MAPK10: variants seen among roughly 807,000 people sequenced by gnomAD.
MAPK10 encodes JNK3 alpha protein kinase.
A neutral mutation model predicts 59.3 loss-of-function variants in MAPK10; 25 were observed. The observed-to-expected ratio is 0.42, with a 90% CI of 0.31 to 0.59. The LOEUF (loss-of-function observed/expected upper bound fraction) is 0.59. Ranked by LOEUF, MAPK10 falls within the 20% of genes least tolerant of loss-of-function variation. The pLI, the probability that MAPK10 is intolerant of heterozygous loss-of-function variation, is 0.15. For missense variants in MAPK10, 351 were observed against 568.9 expected (o/e 0.62, Z 3.90); for synonymous variants, 190 against 200.5 (o/e 0.95, Z 0.44).
chr4:86,513,431 C>T (rs1756429335), intron 1 of MAPK10, among the ~76,000 whole-genome samples: 1 of 152,168 alleles, frequency 6.6e-6, no homozygotes, highest in Admixed American at 6.5e-5. Context: ...TTCATTAAAT[C>T]CAGTCATAAG....
chr4:86,451,788 G>A (rs897981057), intron 1 of MAPK10, among the ~76,000 whole-genome samples: 3 of 152,184 alleles, frequency 2.0e-5, no homozygotes, highest in Non-Finnish European at 4.4e-5. Context: ...TGGGGAAACA[G>A]GGGAGGGCAC....
intron 2 of MAPK10, among the ~76,000 whole-genome samples, chr4:86,206,088 A>G (rs970905481): frequency 6.6e-6 from 1 of 151,966 alleles, no homozygotes. Context: ...GTACATGTGC[A>G]CAATGTGCAG....
chr4:86,351,468 T>C (rs1731444744), intron 2 of MAPK10, among the ~76,000 whole-genome samples: 1 of 151,578 alleles, frequency 6.6e-6, no homozygotes, highest in African/African-American at 2.4e-5. Flanking sequence ...CCGACAGGTA[T>C]TAAAACTTGA....
intron 9 of MAPK10, among the ~76,000 whole-genome samples, chr4:86,092,099 C>G (rs924353661): frequency 6.6e-6 from 1 of 152,016 alleles, no homozygotes. Flanking sequence ...TCTTCATGGG[C>G]AGAACTCAAA....
At chr4:86,351,656 G>C (rs1181851743) in intron 2 of MAPK10, among the ~76,000 whole-genome samples, 1 of 151,680 alleles carries the variant, frequency 6.6e-6, no homozygotes, top group African/African-American at 2.4e-5. Flanking sequence ...CAAACACCGA[G>C]AAACTGAAGA....
intron 2 of MAPK10, among the ~76,000 whole-genome samples, chr4:86,203,560 C>T (rs535123871): frequency 1.0e-3 from 154 of 151,390 alleles, no homozygotes; most frequent in African/African-American, 3.6e-3. Flanking sequence ...CCAACAGTTT[C>T]TAAGTTCAAT....
At chr4:86,541,805 T>C (rs1479944605) in intron 1 of MAPK10, among the ~76,000 whole-genome samples, 1 of 152,134 alleles carries the variant, frequency 6.6e-6, no homozygotes, top group African/African-American at 2.4e-5. Flanking sequence ...CCTGGGTGTT[T>C]TTTATTCTGT....
chr4:86,052,055 T>C (rs1051920181), intron 11 of MAPK10, among the ~76,000 whole-genome samples: 1 of 152,148 alleles, frequency 6.6e-6, no homozygotes, highest in African/African-American at 2.4e-5. Flanking sequence ...TTTAAAATTG[T>C]CAGGGACCAC....
chr4:86,042,376 G>A (rs1018812457), intron 11 of MAPK10, among the ~76,000 whole-genome samples: 2 of 152,098 alleles, frequency 1.3e-5, no homozygotes, highest in Admixed American at 6.5e-5. Flanking sequence ...AATGCATGCT[G>A]GGCTTAAAAC....
chr4:86,552,623 G>C (rs4478147), intron 1 of MAPK10, among the ~76,000 whole-genome samples: 1 of 151,772 alleles, frequency 6.6e-6, no homozygotes, highest in Non-Finnish European at 1.5e-5. Flanking sequence ...TCCTCTGTGG[G>C]TCTCTTGCAT....
chr4:86,552,840 G>T (rs968808372), intron 1 of MAPK10, among the ~76,000 whole-genome samples: 10 of 152,100 alleles, frequency 6.6e-5, no homozygotes, highest in Admixed American at 2.0e-4. Flanking sequence ...ATTTATTAAG[G>T]TTTCCTATGC....
At chr4:86,406,398 G>A (rs551849917) in intron 1 of MAPK10, among the ~76,000 whole-genome samples, 1 of 152,274 alleles carries the variant, frequency 6.6e-6, no homozygotes, top group East Asian at 1.9e-4. Flanking sequence ...TGAACAAGAA[G>A]ATACAACCCT....
intron 2 of MAPK10, among the ~76,000 whole-genome samples, chr4:86,267,297 T>C (rs987376051): frequency 6.6e-6 from 1 of 152,172 alleles, no homozygotes; most frequent in Non-Finnish European, 1.5e-5. Flanking sequence ...AGCGTCAGAA[T>C]CAAAAGCCAC....
intron 1 of MAPK10, among the ~76,000 whole-genome samples, chr4:86,387,966 AG>A (rs1741717163): frequency 6.7e-6 from 1 of 149,748 alleles, no homozygotes; most frequent in East Asian, 1.9e-4. Context: ...AAAAGTATCC[AG>A]AAAAAATAAT....
At chr4:86,261,599 T>C (rs1395534178) in intron 2 of MAPK10, among the ~76,000 whole-genome samples, 1 of 152,200 alleles carries the variant, frequency 6.6e-6, no homozygotes, top group African/African-American at 2.4e-5. Flanking sequence ...GCAGGATTGC[T>C]TGGGGTAAAA....
intron 2 of MAPK10, among the ~76,000 whole-genome samples, chr4:86,208,368 G>A (rs1008586399): frequency 6.7e-6 from 1 of 148,438 alleles, no homozygotes; most frequent in African/African-American, 2.6e-5. Flanking sequence ...GAATCCAGCA[G>A]CACATCAAAA....
At chr4:86,451,492 A>T (rs139652110) in intron 1 of MAPK10, among the ~76,000 whole-genome samples, 1 of 152,330 alleles carries the variant, frequency 6.6e-6, no homozygotes, top group African/African-American at 2.4e-5. Context: ...TAACTCAAAC[A>T]AACTACTTTA....
chr4:86,425,205 G>A (rs190339116), intron 1 of MAPK10, among the ~76,000 whole-genome samples: 18 of 152,200 alleles, frequency 1.2e-4, no homozygotes, highest in East Asian at 3.9e-4. Flanking sequence ...TTCTCCTAAC[G>A]GAGTTTAATT....
chr4:86,173,315 T>G (rs2074843805), intron 3 of MAPK10, among the ~76,000 whole-genome samples: 1 of 151,966 alleles, frequency 6.6e-6, no homozygotes, highest in Admixed American at 6.6e-5. Context: ...GAAATAAGAC[T>G]GCACATCTAC....
Sources: allele counts gnomAD v4.1 joint callset (sites outside exome capture counted in the v4.1 genomes callset), GRCh38; gene constraint gnomAD v4.1.1; transcripts MANE v1.5; gene names NCBI Gene and HGNC (gene_info 2026-07-23, HGNC 2026-07-21).